The following CD34 variants were observed in gnomAD, a reference collection of about 807,000 sequenced individuals.
CD34 encodes the protein CD34 molecule, also known as hematopoietic progenitor cell antigen CD34.
A neutral mutation model predicts 40.1 loss-of-function variants in CD34; 34 were observed. The ratio of observed to expected loss-of-function variants is 0.85; its 90% CI spans 0.65 to 1.13. CD34 has a LOEUF of 1.13. Among genes scored for constraint, CD34 ranks in the 50% most tolerant of loss-of-function variants. CD34 has a pLI of 0.00. For synonymous variants in CD34, 209 were observed against 190.0 expected (o/e 1.10, Z -0.82); for missense variants, 426 against 466.9 (o/e 0.91, Z 0.81).
intron 2 of CD34, among the ~76,000 whole-genome samples, 175 bp downstream of exon 2, chr1:207,899,646 G>A (rs932818816): frequency 1.3e-5 from 2 of 152,118 alleles, no homozygotes; most frequent in African/African-American, 2.4e-5. Context: ...TGTCACTGAA[G>A]GAAGAATTAT....
chr1:207,910,876 G>T, intron 1 of CD34, 126 bp downstream of exon 1: 1 of 928,812 alleles, frequency 1.1e-6, no homozygotes, highest in Non-Finnish European at 1.6e-6. Context: ...GCTGTGGGCG[G>T]CAGTGCGTGG....
At chr1:207,890,244 C>T (rs1418476860) in intron 4 of CD34, 4 of 995,778 alleles carry the variant, frequency 4.0e-6, no homozygotes, top group Admixed American at 1.2e-4. Flanking sequence ...CTGACTGGGC[C>T]ATCAGACCCA....
intron 1 of CD34, among the ~76,000 whole-genome samples, chr1:207,903,253 C>T (rs2102304654): frequency 6.6e-6 from 1 of 152,332 alleles, no homozygotes; most frequent in East Asian, 1.9e-4. Context: ...TTCCCACACA[C>T]ATCCATGGCA....
At chr1:207,910,111 T>C (rs1185090760) in intron 1 of CD34, among the ~76,000 whole-genome samples, 2 of 152,060 alleles carry the variant, frequency 1.3e-5, no homozygotes, top group African/African-American at 4.8e-5. Flanking sequence ...AGTATAAATA[T>C]TTACCGGGTG....
chr1:207,895,703 A>C (rs780797171), intron 4 of CD34, among the ~76,000 whole-genome samples: 1 of 152,238 alleles, frequency 6.6e-6, no homozygotes, highest in African/African-American at 2.4e-5. Context: ...AAGGCTCTGC[A>C]GTTAACTCTA....
intron 1 of CD34, among the ~76,000 whole-genome samples, chr1:207,910,027 A>C (rs183322261): frequency 6.6e-6 from 1 of 152,386 alleles, no homozygotes; most frequent in East Asian, 1.9e-4. Context: ...CAATGTACAA[A>C]GTTTCAAAAG....
At chr1:207,888,446 A>C (rs183808110) in intron 7 of CD34, among the ~76,000 whole-genome samples, 62 of 152,312 alleles carry the variant, frequency 4.1e-4, no homozygotes, top group Admixed American at 1.2e-3. Flanking sequence ...AGATGACACG[A>C]ATCATCTGCT....
At chr1:207,906,107 A>G (rs1252693717) in intron 1 of CD34, among the ~76,000 whole-genome samples, 2 of 152,108 alleles carry the variant, frequency 1.3e-5, no homozygotes, top group Admixed American at 6.6e-5. Context: ...TGTCATTGTC[A>G]TTTAAATCAA....
intron 4 of CD34, among the ~76,000 whole-genome samples, chr1:207,894,404 G>A (rs113746859): frequency 2.6e-5 from 4 of 152,292 alleles, no homozygotes; most frequent in African/African-American, 7.2e-5. Context: ...GGAGAGCAGG[G>A]AGTTGTTTCA....
chr1:207,889,785 G>A (rs373872014), intron 4 of CD34, 164 bp from the exon 5 acceptor site: 20 of 1,577,162 alleles, frequency 1.3e-5, no homozygotes, highest in Non-Finnish European at 1.6e-5. Flanking sequence ...CTGTATATGT[G>A]CAACAACACA....
At chr1:207,888,165 G>T (rs1248335412) in intron 7 of CD34, 1 of 1,608,230 alleles carries the variant, frequency 6.2e-7, no homozygotes, top group South Asian at 1.1e-5. Context: ...TGCCACCGCA[G>T]CTCGGCAGCC....
rs759816274 is a variant in CD34, at chr1:207,887,851, C to T, written c.1045G>A (p.Ala349Thr). The change falls in exon 8 of 8, where the codon GCT becomes ACT. Residue 349 changes from alanine (A) to threonine (T), a missense_variant. Ala to Thr is a moderately conservative substitution (Grantham distance 58). Coordinates refer to ENST00000310833, the MANE Select transcript of CD34 (RefSeq NM_001025109.2). ...CGGTTCACACTGGCCTTTCCCTGAG[C>T]CTCAGGGGAGGTCCCAGGTCCTGAG... ...YSSGPGTSPEAQGKASVNRGA... is the reference protein window; with the variant it reads ...YSSGPGTSPETQGKASVNRGA... 17 of 1,614,068 alleles carry T rather than the reference C, an allele frequency of 1.1e-5. No homozygotes were observed. Among genetic ancestry groups the T allele is most frequent in the East Asian group, 8.9e-5 (4 of 44,896 alleles).
chr1:207,909,251 G>A (rs953455259), intron 1 of CD34, among the ~76,000 whole-genome samples: 12 of 152,128 alleles, frequency 7.9e-5, no homozygotes, highest in African/African-American at 2.7e-4. Flanking sequence ...AGGCCAAGGC[G>A]AGACTGGCAC....
intron 6 of CD34, 87 bp downstream of exon 6, chr1:207,889,074 T>G: frequency 1.1e-6 from 1 of 944,260 alleles, no homozygotes; most frequent in Non-Finnish European, 1.7e-6. Flanking sequence ...TAGGTAGAAC[T>G]GGGGAAGATA....
intron 1 of CD34, 42 bp downstream of exon 1, chr1:207,910,960 C>T (rs1411295016): frequency 1.3e-6 from 2 of 1,539,366 alleles, no homozygotes; most frequent in South Asian, 2.4e-5. Context: ...CCACCCTCCC[C>T]GCGGCGAAGC....
At position 207,897,628 on chromosome 1, in the gene CD34, C is replaced by T. The variant is rs896527568; in HGVS notation, c.517-55G>A. 4.4e-6 allele frequency: 6 copies of T among 1,355,074 alleles called. No individual in the cohort carries two copies. In the South Asian group the frequency reaches 6.2e-5, roughly 14 times the overall value. 83.9% of individuals were successfully genotyped at this position (1,355,074 alleles called of 1,614,324 possible). On this transcript the variant is annotated intron_variant, in intron 3 of 7. Coordinates refer to ENST00000310833, the MANE Select transcript of CD34 (RefSeq NM_001025109.2). ...CAAAGTAAATAAGCCAGTATCTTTG[C>T]TCCTCATTTCTTTCCCAACTTTTTC...
intron 4 of CD34, among the ~76,000 whole-genome samples, chr1:207,894,824 A>G (rs1244449821): frequency 6.6e-6 from 1 of 152,150 alleles, no homozygotes; most frequent in African/African-American, 2.4e-5. Flanking sequence ...CAAAAAAAAA[A>G]GAGTGATTGG....
chr1:207,899,766 T>G, intron 2 of CD34, 55 bp downstream of exon 2: 2 of 1,503,696 alleles, frequency 1.3e-6, no homozygotes, highest in Non-Finnish European at 1.8e-6. Flanking sequence ...TCCTAAATGC[T>G]TTACCCAAGC....
rs781190944 is a variant in CD34, at chr1:207,911,008, A to G, written c.73T>C (p.Leu25=). 23 of 1,588,692 alleles carry G rather than the reference A, an allele frequency of 1.4e-5. No homozygotes were observed. The highest frequency in any genetic ancestry group is 1.7e-4 in the Middle Eastern group (1 of 5,954). ...RGWTALCLLS[L]LPSGFMSLDN... is the part of the protein sequence containing the mutation. ...GCGCGCGGGCGGTACTCACGCAGCAAACTCAGCAAGCAAAGCGCGGTCCAG... is the reference window on the plus strand; with the variant it reads ...GCGCGCGGGCGGTACTCACGCAGCAGACTCAGCAAGCAAAGCGCGGTCCAG... Residue 25 remains leucine (L), a synonymous_variant, in exon 1 of 8, where the codon TTG becomes CTG. Coordinates refer to ENST00000310833, the MANE Select transcript of CD34 (RefSeq NM_001025109.2).
Sources: gnomAD v4.1 joint callset for allele counts (sites outside exome capture counted in the v4.1 genomes callset) on GRCh38, gnomAD v4.1.1 for gene constraint, MANE v1.5 for transcripts, NCBI Gene and HGNC (gene_info 2026-07-23, HGNC 2026-07-21) for gene names.